Variants in ITGA6 observed in about 807,000 individuals in gnomAD.
ITGA6 encodes integrin alpha-6.
In ITGA6, 63 loss-of-function variants were observed where a neutral mutation model predicts 133.6. That is an observed-to-expected ratio of 0.47 (90% CI 0.38 to 0.58). The LOEUF (loss-of-function observed/expected upper bound fraction) is 0.58, where lower values mean the gene tolerates loss of function less well. ITGA6 is among the 20% of genes least tolerant of loss of function. The probability of loss-of-function intolerance (pLI) is 0.00; values close to 1 mark genes in which losing one functional copy is unlikely to be tolerated. For synonymous variants in ITGA6, 434 were observed against 482.0 expected (o/e 0.90, Z 1.30); for missense variants, 1,068 against 1,309.4 (o/e 0.82, Z 2.85).
Position 172,491,541 on chromosome 2 carries a change from T to C in ITGA6, c.2988+18T>C. 2 of 1,493,934 alleles carry C rather than the reference T, an allele frequency of 1.3e-6. No individual in the cohort carries two copies. Among genetic ancestry groups the C allele is most frequent in the South Asian group, 2.3e-5 (2 of 88,306 alleles). The allele number at this position is 1,493,934 out of a possible 1,614,324, so 92.5% of individuals were successfully genotyped here. A position where few individuals can be genotyped will look rare whatever the true frequency, so the allele number is the denominator to read the frequency against. Reference sequence around the variant, plus strand: ...GCACTCAGGTGAGAGGTTCCCCAGCTTCATTCAGGTTCAGAACATGTCTCT... The same window carrying C: ...GCACTCAGGTGAGAGGTTCCCCAGCCTCATTCAGGTTCAGAACATGTCTCT... On this transcript the variant is annotated intron_variant, in intron 23 of 25. Coordinates refer to ENST00000684293, the MANE Select transcript of ITGA6 (RefSeq NM_000210.4). This position sits in a 1 kb window ranked among gnomAD's most constrained non-coding sequence, Gnocchi z 4.4.
At chr2:172,446,210 T>G (rs1684761929) in intron 1 of ITGA6, among the ~76,000 whole-genome samples, 1 of 152,262 alleles carries the variant, frequency 6.6e-6, no homozygotes, top group Non-Finnish European at 1.5e-5. Flanking sequence ...ATTGGAGTAG[T>G]AAAATGGGTA....
rs1574391929 is a variant in ITGA6, at chr2:172,482,563, A to G, written c.1550-2219A>G. 2.0e-5 allele frequency among the ~76,000 whole-genome samples: 3 copies of G among 152,262 alleles called. No individual in the cohort carries two copies. The East Asian group carries it at 5.8e-4, about 30-fold the overall frequency. ...ACTGTCTGGAGGGTTAGGGAAGGTTAGAGTGAATTTGGCAGATAAACGGTT... is the reference window on the plus strand; with the variant it reads ...ACTGTCTGGAGGGTTAGGGAAGGTTGGAGTGAATTTGGCAGATAAACGGTT... On this transcript the variant is annotated intron_variant, in intron 11 of 25. Coordinates refer to ENST00000684293, the MANE Select transcript of ITGA6 (RefSeq NM_000210.4).
At chr2:172,445,506 G>A (rs1201922095) in intron 1 of ITGA6, among the ~76,000 whole-genome samples, 2 of 151,310 alleles carry the variant, frequency 1.3e-5, no homozygotes, top group African/African-American at 2.4e-5. Flanking sequence ...AAAATTAGCC[G>A]GGCATGGTGG....
At chr2:172,440,011 C>T (rs762935334) in intron 1 of ITGA6, among the ~76,000 whole-genome samples, 28 of 152,196 alleles carry the variant, frequency 1.8e-4, no homozygotes, top group Non-Finnish European at 2.8e-4. Context: ...CTAGGGCACT[C>T]CAAATGACCA....
chr2:172,427,417 C>T, upstream of ITGA6: 5 of 1,026,932 alleles, frequency 4.9e-6, no homozygotes, highest in Non-Finnish European at 5.8e-6. Flanking sequence ...CCGGGGCTCC[C>T]ACGTCGTGGC....
chr2:172,450,056 T>C (rs1684923827), intron 1 of ITGA6, among the ~76,000 whole-genome samples: 1 of 151,610 alleles, frequency 6.6e-6, no homozygotes, highest in South Asian at 2.1e-4. Flanking sequence ...TACTCTGAGA[T>C]GGAAATGAGG....
At chr2:172,440,360 G>T (rs573734845) in intron 1 of ITGA6, among the ~76,000 whole-genome samples, 1 of 152,204 alleles carries the variant, frequency 6.6e-6, no homozygotes, top group Admixed American at 6.5e-5. Context: ...TCTTTAGAAT[G>T]ATCTTTTACA....
rs570215904 is a variant in ITGA6 at position 172,487,322 on chromosome 2, A to G, written c.2029A>G (p.Thr677Ala). 6.2e-7 allele frequency: 1 copy of G among 1,614,124 alleles called. No homozygotes were observed. The highest frequency in any genetic ancestry group is 2.2e-5 in the East Asian group (1 of 44,890). The change falls in exon 15 of 26, where the codon ACA becomes GCA. Residue 677 changes from threonine to alanine, a missense_variant. Coordinates refer to ENST00000684293, the MANE Select transcript of ITGA6 (RefSeq NM_000210.4). ...KDQKDIALEI[T>A]VTNSPSNPRN... ...TCAGAAGGATATTGCTTTAGAAATAACAGTGACAAACAGCCCTTCCAACCC... is the reference window on the plus strand; with the variant it reads ...TCAGAAGGATATTGCTTTAGAAATAGCAGTGACAAACAGCCCTTCCAACCC...
intron 23 of ITGA6, among the ~76,000 whole-genome samples, chr2:172,494,582 T>C (rs1344242831): frequency 6.6e-6 from 1 of 152,198 alleles, no homozygotes; most frequent in Non-Finnish European, 1.5e-5. Context: ...AGTCACATGA[T>C]TGAGCCAGGT....
intron 1 of ITGA6, among the ~76,000 whole-genome samples, chr2:172,448,095 C>A (rs1684839830): frequency 6.6e-6 from 1 of 152,036 alleles, no homozygotes; most frequent in African/African-American, 2.4e-5. Context: ...CATGCTCTTT[C>A]AAGGAGGCAG....
chr2:172,503,947 G>T, intron 25 of ITGA6, 144 bp from the exon 26 acceptor site: 3 of 545,226 alleles, frequency 5.5e-6, no homozygotes, highest in Non-Finnish European at 9.0e-6. Flanking sequence ...CAGCCTCTTG[G>T]TTCTTTCTTA....
intron 1 of ITGA6, among the ~76,000 whole-genome samples, chr2:172,445,813 C>G (rs1207218813): frequency 2.0e-5 from 3 of 152,184 alleles, no homozygotes; most frequent in Non-Finnish European, 4.4e-5. Flanking sequence ...GCCTCAACCT[C>G]AAACTCAAGG....
At chr2:172,488,272 A>AT (rs138348628) in intron 19 of ITGA6, 44 bp downstream of exon 19, 75,917 of 1,169,448 alleles carry the variant, frequency 0.065, 3,515 homozygotes, top group East Asian at 0.24. Context: ...AAAAGCTGAC[A>AT]TATACTAGGT....
chr2:172,464,091 G>T (rs1685544595), intron 1 of ITGA6, among the ~76,000 whole-genome samples: 1 of 152,140 alleles, frequency 6.6e-6, no homozygotes, highest in Admixed American at 6.5e-5. Flanking sequence ...GGCTGACTGT[G>T]ACTGTCCAGG....
chr2:172,441,455 C>T (rs72889912), intron 1 of ITGA6, among the ~76,000 whole-genome samples: 1,853 of 148,172 alleles, frequency 0.013, 25 homozygotes, highest in Non-Finnish European at 0.02. Context: ...CTTTGGAAGG[C>T]TGAGGTGGGA....
In ITGA6 at chr2:172,474,184, T is replaced by C. The variant is rs1200834459; in HGVS notation, c.905T>C (p.Leu302Pro). ...AGAGACATGAAGTCTGCACATCTCC[T>C]CCCTGAGCACATATTCGATGGAGAA... ...LKRDMKSAHLLPEHIFDGEGL... is the reference protein window; with the variant it reads ...LKRDMKSAHLPPEHIFDGEGL... The change falls in exon 6 of 26, where the codon CTC (leucine) becomes CCC (proline). Residue 302 changes from leucine (L) to proline (P), a missense_variant. Around this residue, in one of 3 missense-constraint regions of ITGA6, gnomAD observed 317 missense variants for 456.9 expected, o/e 0.69. Coordinates refer to ENST00000684293, the MANE Select transcript of ITGA6 (RefSeq NM_000210.4). 2 of 1,614,126 alleles carry C rather than the reference T, an allele frequency of 1.2e-6. No individual in the cohort carries two copies. The highest frequency in any genetic ancestry group is 2.2e-5 in the South Asian group (2 of 91,088).
chr2:172,504,062 GTTTCTCT>G, intron 25 of ITGA6, 22 bp from the exon 26 acceptor site: 1 of 1,528,606 alleles, frequency 6.5e-7, no homozygotes, highest in Non-Finnish European at 8.8e-7. Context: ...AGATTAATTT[GTTTCTCT>G]TTCTCTTTCC....
Position 172,498,114 on chromosome 2 carries a change from G to C in ITGA6, c.3114+14G>C. ...ATACTATGGAAGGTAAGTCATATCT[G>C]GCATTTGAATTTCATAACAAACTTT... is the stretch of plus-strand genomic sequence containing the variant. On this transcript the variant is annotated intron_variant, in intron 24 of 25. Coordinates refer to ENST00000684293, the MANE Select transcript of ITGA6 (RefSeq NM_000210.4). 1 of 1,611,724 alleles carries C rather than the reference G, an allele frequency of 6.2e-7. No individual in the cohort carries two copies. Among genetic ancestry groups the C allele is most frequent in the Non-Finnish European group, 8.5e-7 (1 of 1,178,082 alleles).
intron 12 of ITGA6, 25 bp downstream of exon 12, chr2:172,484,967 T>C: frequency 6.2e-7 from 1 of 1,612,894 alleles, no homozygotes; most frequent in Non-Finnish European, 8.5e-7. Context: ...TGGTCACATC[T>C]GTTTTATGAA....
Sources: allele counts gnomAD v4.1 joint callset (sites outside exome capture counted in the v4.1 genomes callset), GRCh38; gene constraint gnomAD v4.1.1; regional missense constraint gnomAD v4.1.1; non-coding constraint Gnocchi (gnomAD v3.1); transcripts MANE v1.5; gene names NCBI Gene and HGNC (gene_info 2026-07-23, HGNC 2026-07-21).